DNAH12: variants seen among roughly 807,000 people sequenced by gnomAD.
DNAH12 encodes the protein dynein axonemal heavy chain 12.
Under a neutral mutation model 371.5 loss-of-function variants are expected in DNAH12, and 285 were observed. That is an observed-to-expected ratio of 0.77 (90% confidence interval 0.70 to 0.85). The LOEUF (loss-of-function observed/expected upper bound fraction) is 0.85. Among genes scored for constraint, DNAH12 ranks in the 40% least tolerant of loss-of-function variants. The probability of loss-of-function intolerance (pLI) is 0.00; values close to 1 mark genes in which losing one functional copy is unlikely to be tolerated. For missense variants in DNAH12, 3,611 were observed against 3,689.4 expected (o/e 0.98, Z 0.55); for synonymous variants, 1,200 against 1,213.0 (o/e 0.99, Z 0.22).
the DNAH12 span, among the ~76,000 whole-genome samples, chr3:57,554,913 G>A: frequency 2.6e-5 from 4 of 151,972 alleles, no homozygotes; most frequent in Admixed American, 1.3e-4. Context: ...CACTGGGCCC[G>A]GCGTCTTTAA....
At chr3:57,496,798 GTCTCTAC>G (rs1484688143) in intron 11 of DNAH12, among the ~76,000 whole-genome samples, 176 of 152,210 alleles carry the variant, frequency 1.2e-3, no homozygotes, top group African/African-American at 3.9e-3. Flanking sequence ...GCAAAACCCT[GTCTCTAC>G]TAAAAATACA....
chr3:57,358,500 A>T (rs2062850127), intron 58 of DNAH12, among the ~76,000 whole-genome samples: 1 of 152,156 alleles, frequency 6.6e-6, no homozygotes, highest in African/African-American at 2.4e-5. Context: ...ATTCCCTTGT[A>T]TCTTTTTTAT....
intron 62 of DNAH12, among the ~76,000 whole-genome samples, chr3:57,328,070 T>C (rs544930473): frequency 2.3e-3 from 346 of 150,026 alleles, no homozygotes; most frequent in Non-Finnish European, 3.7e-3. Context: ...CAATAATCAA[T>C]AGCTTACCAA....
intron 12 of DNAH12, among the ~76,000 whole-genome samples, chr3:57,487,851 A>G (rs954719300): frequency 1.3e-5 from 2 of 149,452 alleles, no homozygotes; most frequent in African/African-American, 4.9e-5. Context: ...AATTATGTTA[A>G]ACATAAACTT....
chr3:57,543,326 T>A (rs940122006), intron 1 of DNAH12, among the ~76,000 whole-genome samples: 2 of 139,368 alleles, frequency 1.4e-5, no homozygotes, highest in African/African-American at 5.6e-5. Context: ...TTTTTTTTTT[T>A]TTTTTTTTTT....
chr3:57,428,770 C>T lies in DNAH12; in HGVS notation c.5116G>A (p.Gly1706Arg). Residue 1706 changes from glycine (G) to arginine (R), a missense_variant, in exon 34 of 74, where the codon GGA becomes AGA. Physicochemically the swap from Gly to Arg is moderately radical, Grantham distance 125 (BLOSUM62 -2). This residue lies in a region of DNAH12 where 2,266 missense variants were observed against 2,236.9 expected (regional missense o/e 1.01). Transcript: ENST00000495027. ...CAAGAAGACACAAGTGGTTCCCATC[C>T]TAACTGTGAAGGCTCCAAATAAATC... ...GMIYLEPSQL[G>R]WEPLVSSWLN... 6.5e-7 allele frequency: 1 copy of T among 1,550,270 alleles called. No individual in the cohort carries two copies. Among genetic ancestry groups the T allele is most frequent in the South Asian group, 1.2e-5 (1 of 83,634 alleles).
chr3:57,448,604 G>C (rs558856037), intron 25 of DNAH12, among the ~76,000 whole-genome samples: 2 of 152,204 alleles, frequency 1.3e-5, no homozygotes, highest in Admixed American at 6.5e-5. Flanking sequence ...GCGTGGAATA[G>C]AACCCGACCA....
In DNAH12 at chr3:57,389,521, A is replaced by G. The variant is rs1056422117; in HGVS notation, c.7306-2302T>C. ...GTTGTTCCCTTTCTCAGTGCACTTT[A>G]TTTCATACTTGGGCTTGTCCCATTA... On this transcript the variant is annotated intron_variant, in intron 45 of 73. Coordinates refer to ENST00000495027, the MANE Select transcript of DNAH12 (RefSeq NM_001366028.2). Among the ~76,000 whole-genome samples, 72 of 151,814 alleles carry G rather than the reference A, an allele frequency of 4.7e-4. 3 individuals are homozygous for G. In the South Asian group the frequency reaches 0.015, roughly 32 times the overall value.
intron 11 of DNAH12, among the ~76,000 whole-genome samples, chr3:57,500,244 T>G (rs980825797): frequency 1.3e-5 from 2 of 152,188 alleles, no homozygotes; most frequent in Non-Finnish European, 2.9e-5. Flanking sequence ...TTTCGCCATG[T>G]TGGCCAGGCT....
At chr3:57,362,091 C>T (rs1231148883) in intron 58 of DNAH12, among the ~76,000 whole-genome samples, 2 of 151,586 alleles carry the variant, frequency 1.3e-5, no homozygotes, top group African/African-American at 4.8e-5. Context: ...TCAATTCCCA[C>T]CTATGAGTAA....
At chr3:57,379,376 A>T (rs2063341220) in intron 51 of DNAH12, 78 bp from the exon 52 acceptor site, 1 of 152,236 alleles carries the variant, frequency 6.6e-6, no homozygotes, top group African/African-American at 2.4e-5. Context: ...CATATACAAT[A>T]AAAACATTTA....
At chr3:57,398,231 T>C in intron 43 of DNAH12, among the ~76,000 whole-genome samples, 1 of 152,248 alleles carries the variant, frequency 6.6e-6, no homozygotes, top group Middle Eastern at 3.4e-3. Context: ...ATCACCGGGT[T>C]AATGGAGCAA....
chr3:57,419,348 T>G lies in DNAH12; in HGVS notation c.5714+19A>C. On this transcript the variant is annotated intron_variant, in intron 37 of 73. Coordinates refer to ENST00000495027, the MANE Select transcript of DNAH12 (RefSeq NM_001366028.2). Reference sequence around the variant, plus strand: ...GTACTTTTACATTCAAAATGCTTGTTTATAGCAGAGTTCCTTACTTTGCAT... The same window carrying G: ...GTACTTTTACATTCAAAATGCTTGTGTATAGCAGAGTTCCTTACTTTGCAT... The G allele has an allele frequency of 6.8e-7, 1 of 1,479,614 alleles. No homozygotes were observed. Among genetic ancestry groups the G allele is most frequent in the Non-Finnish European group, 8.9e-7 (1 of 1,123,618 alleles). The allele number at this position is 1,479,614 out of a possible 1,614,324, so 91.7% of individuals were successfully genotyped here.
chr3:57,447,259 TAC>T (rs2153371052), intron 25 of DNAH12, among the ~76,000 whole-genome samples: 1 of 152,358 alleles, frequency 6.6e-6, no homozygotes, highest in African/African-American at 2.4e-5. Context: ...CTTAATTACG[TAC>T]ATTCTTTTTT....
intron 38 of DNAH12, among the ~76,000 whole-genome samples, chr3:57,415,037 C>G (rs1213649100): frequency 6.6e-6 from 1 of 152,166 alleles, no homozygotes; most frequent in Non-Finnish European, 1.5e-5. Flanking sequence ...GCAAATGCCC[C>G]TAATGACCAT....
chr3:57,345,386 T>C (rs1251304879), intron 60 of DNAH12, among the ~76,000 whole-genome samples: 1 of 152,188 alleles, frequency 6.6e-6, no homozygotes, highest in African/African-American at 2.4e-5. Context: ...AATCCCATAA[T>C]GTATACAAAG....
chr3:57,425,212 T>TTAAAAACTGA, intron 34 of DNAH12, 71 bp from the exon 35 acceptor site: 2 of 662,834 alleles, frequency 3.0e-6, no homozygotes, highest in South Asian at 1.7e-5. Flanking sequence ...CACTTTATTT[T>TTAAAAACTGA]TAAAAACTGA....
chr3:57,354,538 T>TA (rs1372789364), intron 59 of DNAH12, among the ~76,000 whole-genome samples: 1,201 of 52,186 alleles, frequency 0.023, 5 homozygotes, highest in African/African-American at 0.024. Context: ...TCTTGTTTGC[T>TA]AAAAAAAAAA....
At position 57,294,142 on chromosome 3, in the gene DNAH12, G is replaced by A. The variant is rs186483602; in HGVS notation, c.11693-171C>T. The stretch of plus-strand genomic sequence containing the variant: ...TTTTTTACAGTACATATAGTATTAC[G>A]GTTGTGAAACAAGGCAAGTATTTCT... On this transcript the variant is annotated intron_variant, in intron 73 of 73. Transcript: ENST00000495027. Among the ~76,000 whole-genome samples the A allele has an allele frequency of 2.1e-3, 314 of 151,242 alleles. 3 individuals are homozygous for A. The highest frequency in any genetic ancestry group is 0.019 in the South Asian group (93 of 4,786).
Sources: gnomAD v4.1 joint callset for allele counts (sites outside exome capture counted in the v4.1 genomes callset) on GRCh38, gnomAD v4.1.1 for gene constraint, gnomAD v4.1.1 regional missense constraint, MANE v1.5 for transcripts, NCBI Gene and HGNC (gene_info 2026-07-23, HGNC 2026-07-21) for gene names.